The following CBX5 variants were observed in gnomAD, a reference collection of about 807,000 sequenced individuals.
The protein encoded by CBX5 is chromobox 5, also known as chromobox protein homolog 5.
Under a neutral mutation model 20.7 loss-of-function variants are expected in CBX5, and 7 were observed. The ratio of observed to expected loss-of-function variants is 0.34; its 90% CI spans 0.19 to 0.63. CBX5 has a LOEUF of 0.63. CBX5 is among the 30% of genes least tolerant of loss of function. The pLI is 0.75. For missense variants in CBX5, 110 were observed against 224.1 expected, an observed-to-expected ratio of 0.49 and a Z score of 3.25; for synonymous variants, 78 against 77.0, an observed-to-expected ratio of 1.01 and a Z score of -0.07.
intron 1 of CBX5, chr12:54,272,953 A>C (rs905187538): frequency 2.4e-4 from 37 of 152,328 alleles, no homozygotes; most frequent in African/African-American, 8.2e-4. Context: ...ACAAGAACCC[A>C]GGTTTCTGAG....
At chr12:54,274,187 G>A (rs752166911) in intron 1 of CBX5, 11 of 152,232 alleles carry the variant, frequency 7.2e-5, no homozygotes, top group Non-Finnish European at 1.6e-4. Context: ...TGTTCTTCCA[G>A]CACAAGTGTA....
At chr12:54,279,719 G>C (rs1159176699) in intron 1 of CBX5, among the ~76,000 whole-genome samples, 1 of 152,152 alleles carries the variant, frequency 6.6e-6, no homozygotes, top group Non-Finnish European at 1.5e-5. Flanking sequence ...TGCTCAGAAG[G>C]GGAAAACCCG....
chr12:54,278,685 G>C (rs1944094813), intron 1 of CBX5: 1 of 152,176 alleles, frequency 6.6e-6, no homozygotes, highest in South Asian at 2.1e-4. Context: ...ATTACCAAAA[G>C]GAGATAGACT....
chr12:54,274,859 G>C (rs1944045558), intron 1 of CBX5, among the ~76,000 whole-genome samples: 1 of 152,082 alleles, frequency 6.6e-6, no homozygotes, highest in African/African-American at 2.4e-5. Context: ...AGGATCGCTT[G>C]AATCCGGGAG....
rs1025674257 is a variant in CBX5 at position 54,231,995 on chromosome 12, T to C, written c.*9760A>G. ...TAAGCAATGACATAAATCAAAACCA[T>C]TGAGGGTTGCTTTGATCCTGAGACA... On this transcript the variant is annotated 3_prime_UTR_variant, in exon 5 of 5. Transcript: ENST00000209875. 5 of 152,228 alleles carry C rather than the reference T, an allele frequency of 3.3e-5. No individual in the cohort carries two copies. The highest frequency in any genetic ancestry group is 1.9e-4 in the East Asian group (1 of 5,182). The allele number at this position is 152,228 out of a possible 1,614,324, so 9.4% of individuals were successfully genotyped here. A position where few individuals can be genotyped will look rare whatever the true frequency, so the allele number is the denominator to read the frequency against.
In CBX5 at chr12:54,235,405, G is replaced by A. The variant is rs1943609751; in HGVS notation, c.*6350C>T. 6.6e-6 allele frequency: 1 copy of A among 152,130 alleles called. No homozygotes were observed. Among genetic ancestry groups the A allele is most frequent in the South Asian group, 2.1e-4 (1 of 4,826 alleles). 9.4% of individuals were successfully genotyped at this position (152,130 alleles called of 1,614,324 possible). A position where few individuals can be genotyped will look rare whatever the true frequency, so the allele number is the denominator to read the frequency against. ...CGAGGTGGGTGGATCATGAGGTCAGGAGATTGAGACCATCCTGGCTAACAA... is the reference window on the plus strand; with the variant it reads ...CGAGGTGGGTGGATCATGAGGTCAGAAGATTGAGACCATCCTGGCTAACAA... On this transcript the variant is annotated 3_prime_UTR_variant, in exon 5 of 5. Coordinates refer to ENST00000209875, the MANE Select transcript of CBX5 (RefSeq NM_012117.3).
chr12:54,252,056 A>C lies in CBX5; in HGVS notation c.309T>G (p.Ser103=). Reference sequence around the variant, plus strand: ...GGAAGCTTACCTCTCTCTTTTTTTTAGATTTGATGTCATCGGCACTGTTTG... The same window carrying C: ...GGAAGCTTACCTCTCTCTTTTTTTTCGATTTGATGTCATCGGCACTGTTTG... ...NFSNSADDIK[S]KKKREQSNDI... Residue 103 remains serine, a synonymous_variant, in exon 3 of 5, where the codon TCT becomes TCG. Transcript: ENST00000209875. The C allele has an allele frequency of 6.4e-7, 1 of 1,571,734 alleles. No homozygotes were observed. Among genetic ancestry groups the C allele is most frequent in the Non-Finnish European group, 8.6e-7 (1 of 1,165,012 alleles).
chr12:54,248,751 C>T (rs1202827619), intron 3 of CBX5, among the ~76,000 whole-genome samples: 2 of 152,096 alleles, frequency 1.3e-5, no homozygotes, highest in East Asian at 1.9e-4. Context: ...GGAGCCAGGG[C>T]GAAGAAAATG....
At chr12:54,279,392 C>G (rs554704796) in intron 1 of CBX5, among the ~76,000 whole-genome samples, 5 of 152,142 alleles carry the variant, frequency 3.3e-5, no homozygotes, top group African/African-American at 9.7e-5. Flanking sequence ...AGCAAACTTA[C>G]GCTTTCAAGG....
At chr12:54,256,418 C>T (rs888382535) in intron 2 of CBX5, among the ~76,000 whole-genome samples, 1 of 152,154 alleles carries the variant, frequency 6.6e-6, no homozygotes, top group Non-Finnish European at 1.5e-5. Context: ...AATAATTCTC[C>T]AGATGAGAAA....
intron 2 of CBX5, among the ~76,000 whole-genome samples, chr12:54,254,541 T>G (rs1943844628): frequency 6.6e-6 from 1 of 151,560 alleles, no homozygotes; most frequent in African/African-American, 2.4e-5. Flanking sequence ...CTCCTTTATA[T>G]CCCTTCTCTC....
Position 54,238,001 on chromosome 12 carries a change from C to T in CBX5, c.*3754G>A, listed in dbSNP as rs1172492016. 1 of 152,166 alleles carries T rather than the reference C, an allele frequency of 6.6e-6. No homozygotes were observed. The highest frequency in any genetic ancestry group is 1.5e-5 in the Non-Finnish European group (1 of 68,084). The allele number at this position is 152,166 out of a possible 1,614,324, so 9.4% of individuals were successfully genotyped here. Reference sequence around the variant, plus strand: ...GGTCAGGAAATCGAGACCATCCTGGCAAACATGGTAAAACCCCATCTCTAC... The same window carrying T: ...GGTCAGGAAATCGAGACCATCCTGGTAAACATGGTAAAACCCCATCTCTAC... On this transcript the variant is annotated 3_prime_UTR_variant, in exon 5 of 5. Transcript: ENST00000209875.
Position 54,280,081 on chromosome 12 carries a change from A to ACCG in CBX5, c.-119_-117dup, listed in dbSNP as rs1592168481. ...TGGTGAGGCCGCACCACAAGCCACC[A>ACCG]CCGCCGCCGCCTTCTGCGCAACGCC... On this transcript the variant is annotated 5_prime_UTR_variant, in exon 1 of 5. Coordinates refer to ENST00000209875, the MANE Select transcript of CBX5 (RefSeq NM_012117.3). The ACCG allele has an allele frequency of 1.3e-5, 2 of 159,612 alleles. No homozygotes were observed. The highest frequency in any genetic ancestry group is 1.8e-4 in the East Asian group (1 of 5,408). The allele number at this position is 159,612 out of a possible 1,614,324, so 9.9% of individuals were successfully genotyped here. A position where few individuals can be genotyped will look rare whatever the true frequency, so the allele number is the denominator to read the frequency against.
rs907650052 is a variant in CBX5 at position 54,237,185 on chromosome 12, A to G, written c.*4570T>C. 6.6e-6 allele frequency: 1 copy of G among 152,318 alleles called. No individual in the cohort carries two copies. Among genetic ancestry groups the G allele is most frequent in the Non-Finnish European group, 1.5e-5 (1 of 68,050 alleles). The allele number at this position is 152,318 out of a possible 1,614,324, so 9.4% of individuals were successfully genotyped here. On this transcript the variant is annotated 3_prime_UTR_variant, in exon 5 of 5. Transcript: ENST00000209875. ...TTTGTCCATGGCAACACTGTTCTCC[A>G]CTATTCTGTCTATAATGAGAATATA...
chr12:54,273,827 C>G (rs1038948142), intron 1 of CBX5: 10 of 152,106 alleles, frequency 6.6e-5, no homozygotes, highest in African/African-American at 1.7e-4. Context: ...TTTAAACCAC[C>G]AAGTCTGTGG....
intron 1 of CBX5, among the ~76,000 whole-genome samples, chr12:54,260,085 C>T (rs1943901439): frequency 6.8e-6 from 1 of 146,546 alleles, no homozygotes. Flanking sequence ...TTTAAAGACA[C>T]TATATAACTT....
chr12:54,252,270 T>TA (rs1565869701), intron 2 of CBX5, 43 bp from the exon 3 acceptor site: 1 of 1,412,710 alleles, frequency 7.1e-7, no homozygotes. Flanking sequence ...AAGGGGGGGG[T>TA]AAAGAATGAG....
At chr12:54,265,294 C>T (rs1284672516) in intron 1 of CBX5, among the ~76,000 whole-genome samples, 1 of 152,224 alleles carries the variant, frequency 6.6e-6, no homozygotes, top group Non-Finnish European at 1.5e-5. Context: ...CTCTATGTTC[C>T]TTGCTCTTTA....
chr12:54,231,968 G>A lies in CBX5; in HGVS notation c.*9787C>T, dbSNP rs1943573480. The A allele has an allele frequency of 2.0e-5, 3 of 152,222 alleles. No homozygotes were observed. In the South Asian group the frequency reaches 6.2e-4, roughly 32 times the overall value. 9.4% of individuals were successfully genotyped at this position (152,222 alleles called of 1,614,324 possible). Reference sequence around the variant, plus strand: ...GCTGTCCTGGGATTGGTTGGGGAGTGGTAAGCAATGACATAAATCAAAACC... The same window carrying A: ...GCTGTCCTGGGATTGGTTGGGGAGTAGTAAGCAATGACATAAATCAAAACC... On this transcript the variant is annotated 3_prime_UTR_variant, in exon 5 of 5. Coordinates refer to ENST00000209875, the MANE Select transcript of CBX5 (RefSeq NM_012117.3).
Sources: gnomAD v4.1 joint callset for allele counts (sites outside exome capture counted in the v4.1 genomes callset) on GRCh38, gnomAD v4.1.1 for gene constraint, MANE v1.5 for transcripts, NCBI Gene and HGNC (gene_info 2026-07-23, HGNC 2026-07-21) for gene names.